Variants in NBPF12 observed in about 807,000 individuals in gnomAD.
NBPF12 encodes NBPF member 12.
Under a neutral mutation model 146.4 loss-of-function variants are expected in NBPF12, and 115 were observed. The observed-to-expected ratio is 0.79, with a 90% confidence interval of 0.68 to 0.92. NBPF12 has a LOEUF of 0.92. Among genes scored for constraint, NBPF12 ranks in the 40% least tolerant of loss-of-function variants. The probability of loss-of-function intolerance (pLI) is 0.00; values close to 1 mark genes in which losing one functional copy is unlikely to be tolerated. For synonymous variants in NBPF12, 385 were observed against 508.9 expected, an observed-to-expected ratio of 0.76 and a Z score of 3.28; for missense variants, 1,205 against 1,326.8, an observed-to-expected ratio of 0.91 and a Z score of 1.43.
At chr1:146,981,665 A>G (rs1241089459) in intron 19 of NBPF12, among the ~76,000 whole-genome samples, 1 of 151,732 alleles carries the variant, frequency 6.6e-6, no homozygotes, top group Non-Finnish European at 1.5e-5. Context: ...GCTTGGTTCC[A>G]TTCTCCCCAT....
At chr1:146,976,741 G>C (rs1335904972) in intron 16 of NBPF12, among the ~76,000 whole-genome samples, 188 bp from the exon 20 acceptor site, 36 of 151,184 alleles carry the variant, frequency 2.4e-4, no homozygotes, top group Middle Eastern at 3.4e-3. Context: ...TGGCCCTCCA[G>C]ATCAGAAATG....
intron 18 of NBPF12, 131 bp downstream of exon 21, chr1:146,977,802 G>A (rs1253115897): frequency 1.6e-5 from 11 of 681,228 alleles, no homozygotes; most frequent in African/African-American, 1.1e-4. Flanking sequence ...ATATCAGGGA[G>A]TTTTTTTGTC....
At chr1:146,976,509 G>GGC (rs1657034790) in intron 16 of NBPF12, among the ~76,000 whole-genome samples, 8 of 105,384 alleles carry the variant, frequency 7.6e-5, no homozygotes, top group Non-Finnish European at 1.8e-5. Context: ...CCACTTGGAG[G>GGC]CTTGAAATCT....
At chr1:146,969,973 T>G (rs1467696476) in intron 11 of NBPF12, among the ~76,000 whole-genome samples, 1 of 150,240 alleles carries the variant, frequency 6.7e-6, no homozygotes, top group African/African-American at 2.5e-5. Context: ...GGTGAGTGAG[T>G]GATTTATCTT....
chr1:146,970,605 T>G (rs1656538832), intron 11 of NBPF12, 42 bp from the exon 15 acceptor site: 2 of 1,568,482 alleles, frequency 1.3e-6, no homozygotes, highest in Non-Finnish European at 1.7e-6. Flanking sequence ...GCTTGCAGAA[T>G]GTGAAGTGGA....
At chr1:146,962,540 T>C (rs1180444060) in intron 5 of NBPF12, among the ~76,000 whole-genome samples, 1,937 of 151,770 alleles carry the variant, frequency 0.013, 55 homozygotes, top group African/African-American at 0.045. Flanking sequence ...GGGAACCACC[T>C]AGCAGCATTC....
At chr1:146,945,812 A>G (rs1367499328), upstream of NBPF12, among the ~76,000 whole-genome samples, 35 of 152,178 alleles carry the variant, frequency 2.3e-4, no homozygotes, top group African/African-American at 7.7e-4. Flanking sequence ...ACTAAAGTCC[A>G]TAGTTTACGT....
intron 15 of NBPF12, among the ~76,000 whole-genome samples, chr1:146,975,330 C>T (rs1208780865): frequency 2.2e-5 from 3 of 136,016 alleles, no homozygotes; most frequent in East Asian, 2.4e-4. Flanking sequence ...ATCTAATGGC[C>T]GCAAGATGCA....
At chr1:146,969,648 T>C (rs1165476864) in intron 11 of NBPF12, 52 bp downstream of exon 14, 9 of 1,544,470 alleles carry the variant, frequency 5.8e-6, no homozygotes, top group East Asian at 2.3e-5. Context: ...TATGAGAGGC[T>C]CCAGACCTCC....
rs1462503521 is a variant in NBPF12, at chr1:146,953,805, A to G, written c.-184+2316A>G. On this transcript the variant is annotated intron_variant, in intron 2 of 33. Transcript: ENST00000617844. Reference sequence around the variant, plus strand: ...TAGAATACCTGTTGTTACTCTTTTAATTCAGCATTATACTAGAGCTCTAAG... The same window carrying G: ...TAGAATACCTGTTGTTACTCTTTTAGTTCAGCATTATACTAGAGCTCTAAG... Among the ~76,000 whole-genome samples the G allele has an allele frequency of 2.7e-5, 4 of 150,406 alleles. No homozygotes were observed. The East Asian group carries it at 7.9e-4, about 30-fold the overall frequency.
chr1:146,960,859 G>A (rs1276150976), intron 4 of NBPF12, among the ~76,000 whole-genome samples: 6 of 152,060 alleles, frequency 3.9e-5, no homozygotes, highest in Non-Finnish European at 7.3e-5. Context: ...CAAGAGCAGG[G>A]AGTAGGGGCC....
At chr1:146,961,898 T>G (rs1655874376) in intron 4 of NBPF12, among the ~76,000 whole-genome samples, 1 of 152,148 alleles carries the variant, frequency 6.6e-6, no homozygotes, top group Non-Finnish European at 1.5e-5. Context: ...CTGTGAGTTC[T>G]GACTCCACTT....
chr1:146,951,120 A>C (rs1296476481), intron 1 of NBPF12, among the ~76,000 whole-genome samples: 1 of 152,046 alleles, frequency 6.6e-6, no homozygotes, highest in Non-Finnish European at 1.5e-5. Flanking sequence ...TGATGACTTC[A>C]GGGACATGAG....
chr1:146,971,098 G>A (rs1194019160), intron 12 of NBPF12, 85 bp from the exon 16 acceptor site: 45 of 1,599,912 alleles, frequency 2.8e-5, no homozygotes, highest in Middle Eastern at 2.3e-4. Flanking sequence ...TCTTAATGCC[G>A]CTTGTCAAAA....
intron 1 of NBPF12, among the ~76,000 whole-genome samples, chr1:146,941,620 G>T (rs1654806688): frequency 6.8e-6 from 1 of 146,544 alleles, no homozygotes; most frequent in East Asian, 2.1e-4. Context: ...TGGATGTGGT[G>T]GCGGGCACCT....
upstream of NBPF12, among the ~76,000 whole-genome samples, chr1:146,945,750 A>G (rs1655026529): frequency 2.0e-5 from 3 of 152,118 alleles, no homozygotes; most frequent in African/African-American, 7.3e-5. Context: ...ATATTGTATT[A>G]GTGTGGTCCA....
At chr1:146,981,277 T>TAAA (rs878971787) in intron 19 of NBPF12, among the ~76,000 whole-genome samples, 6 of 101,280 alleles carry the variant, frequency 5.9e-5, no homozygotes, top group Non-Finnish European at 1.1e-4. Context: ...CTTAAAGTAT[T>TAAA]AAAAAAAAAA....
chr1:146,978,661 ATTGT>A (rs1657201582), intron 18 of NBPF12, among the ~76,000 whole-genome samples: 2 of 150,726 alleles, frequency 1.3e-5, no homozygotes, highest in South Asian at 2.1e-4. Context: ...TTCTTAGAAA[ATTGT>A]TTGACCAATT....
chr1:146,967,496 T>TA lies in NBPF12; in HGVS notation c.988+832dup, dbSNP rs1191510291. Among the ~76,000 whole-genome samples, 128 of 147,294 alleles carry TA rather than the reference T, an allele frequency of 8.7e-4. 2 individuals are homozygous for TA. The highest frequency in any genetic ancestry group is 1.2e-3 in the Admixed American group (18 of 14,762). ...AGCCTGGGTGACAGGGCAAGACTGT[T>TA]AAAAAAAAATAATAATGATAAATAA... On this transcript the variant is annotated intron_variant, in intron 9 of 33. Coordinates refer to ENST00000617844, the Ensembl canonical transcript of NBPF12.
Sources: allele counts gnomAD v4.1 joint callset (sites outside exome capture counted in the v4.1 genomes callset), GRCh38; gene constraint gnomAD v4.1.1; transcripts MANE v1.5; gene names NCBI Gene and HGNC (gene_info 2026-07-23, HGNC 2026-07-21).